KLHL42: variants seen among roughly 807,000 people sequenced by gnomAD.
KLHL42 encodes the protein kelch-like protein 42.
In KLHL42, 27 loss-of-function variants were observed where a neutral mutation model predicts 32.7. The ratio of observed to expected loss-of-function variants is 0.83; its 90% CI spans 0.61 to 1.14. The LOEUF (loss-of-function observed/expected upper bound fraction) is 1.14. Among genes scored for constraint, KLHL42 ranks in the 50% most tolerant of loss-of-function variants. KLHL42 has a pLI of 0.00. For missense variants in KLHL42, 491 were observed against 560.8 expected (o/e 0.88, Z 1.26); for synonymous variants, 267 against 248.2 (o/e 1.08, Z -0.71).
intron 2 of KLHL42, chr12:27,792,106 C>A: frequency 2.5e-6 from 1 of 398,230 alleles, no homozygotes; most frequent in Admixed American, 4.1e-5. Context: ...TTTGTGTGAG[C>A]ATGAAAATCG....
Position 27,800,364 on chromosome 12 carries a change from G to GTGTGTC in KLHL42, c.*2203_*2204insCTGTGT. The GTGTGTC allele has an allele frequency of 1.0e-6, 1 of 984,700 alleles. No individual in the cohort carries two copies. The highest frequency in any genetic ancestry group is 4.7e-5 in the South Asian group (1 of 21,266). 61.0% of individuals were successfully genotyped at this position (984,700 alleles called of 1,614,324 possible). A position where few individuals can be genotyped will look rare whatever the true frequency, so the allele number is the denominator to read the frequency against. ...TGTGTGTGTGGGGGTGTGTGTGTGT[G>GTGTGTC]TGTGTGTGTATGTTTGCATATTATA... On this transcript the variant is annotated 3_prime_UTR_variant, in exon 3 of 3. Coordinates refer to ENST00000381271, the MANE Select transcript of KLHL42 (RefSeq NM_020782.2).
chr12:27,790,498 C>G (rs542766180), intron 1 of KLHL42, among the ~76,000 whole-genome samples: 1 of 152,266 alleles, frequency 6.6e-6, no homozygotes, highest in South Asian at 2.1e-4. Flanking sequence ...CCCAACACTC[C>G]CAAGAGTTTA....
At chr12:27,795,431 G>T (rs963360883) in intron 2 of KLHL42, among the ~76,000 whole-genome samples, 3 of 152,170 alleles carry the variant, frequency 2.0e-5, no homozygotes, top group African/African-American at 7.2e-5. Flanking sequence ...TGGATTCCCT[G>T]AGCCAAATAC....
Position 27,798,189 on chromosome 12 carries a change from A to G in KLHL42, c.*23A>G, listed in dbSNP as rs751568983. On this transcript the variant is annotated 3_prime_UTR_variant, in exon 3 of 3. Transcript: ENST00000381271. The stretch of plus-strand genomic sequence containing the variant: ...TGACTGAATTGAATTGGTAGATGAA[A>G]AAAACCTGGTTCAAGTTTTTTTTAA... The G allele has an allele frequency of 1.9e-5, 14 of 755,980 alleles. No homozygotes were observed. The East Asian group carries it at 3.2e-4, about 17-fold the overall frequency. The allele number at this position is 755,980 out of a possible 1,614,324, so 46.8% of individuals were successfully genotyped here.
Position 27,797,829 on chromosome 12 carries a change from A to G in KLHL42, c.1181A>G (p.Tyr394Cys), listed in dbSNP as rs765755373. 1 of 778,658 alleles carries G rather than the reference A, an allele frequency of 1.3e-6. No homozygotes were observed. Among genetic ancestry groups the G allele is most frequent in the African/African-American group, 1.7e-5 (1 of 59,064 alleles). 48.2% of individuals were successfully genotyped at this position (778,658 alleles called of 1,614,324 possible). A position where few individuals can be genotyped will look rare whatever the true frequency, so the allele number is the denominator to read the frequency against. Residue 394 changes from tyrosine (Y) to cysteine (C), a missense_variant, in exon 3 of 3, where the codon TAC (tyrosine) becomes TGC (cysteine). By Grantham distance (194) the Tyr-to-Cys change is radical. Transcript: ENST00000381271. Reference protein sequence around the residue: ...QQMVSVEETIYIVGGCLHELG... With the variant: ...QQMVSVEETICIVGGCLHELG... The stretch of plus-strand genomic sequence containing the variant: ...ATGGTGTCTGTGGAAGAGACCATCT[A>G]CATCGTGGGGGGGTGTCTCCACGAG...
At position 27,800,186 on chromosome 12, in the gene KLHL42, A is replaced by G. The variant is rs1446376400; in HGVS notation, c.*2020A>G. ...AGATTAGTTTGCAAATAAGCATATC[A>G]TATCAAATACAATATTCCAGCCAAC... On this transcript the variant is annotated 3_prime_UTR_variant, in exon 3 of 3. Coordinates refer to ENST00000381271, the MANE Select transcript of KLHL42 (RefSeq NM_020782.2). 6.2e-5 allele frequency: 61 copies of G among 985,344 alleles called. No individual in the cohort carries two copies. The highest frequency in any genetic ancestry group is 7.2e-5 in the Non-Finnish European group (60 of 829,948). 61.0% of individuals were successfully genotyped at this position (985,344 alleles called of 1,614,324 possible).
intron 2 of KLHL42, among the ~76,000 whole-genome samples, chr12:27,795,421 T>C: frequency 6.6e-6 from 1 of 152,174 alleles, no homozygotes; most frequent in Non-Finnish European, 1.5e-5. Context: ...ATTTCTGTCC[T>C]GGATTCCCTG....
intron 2 of KLHL42, among the ~76,000 whole-genome samples, chr12:27,794,414 T>G (rs1457696766): frequency 6.6e-6 from 1 of 152,200 alleles, no homozygotes; most frequent in African/African-American, 2.4e-5. Context: ...GTTGCCACTG[T>G]TGGATTTAGG....
At chr12:27,788,388 G>A (rs557887660) in intron 1 of KLHL42, among the ~76,000 whole-genome samples, 31 of 152,302 alleles carry the variant, frequency 2.0e-4, no homozygotes, top group African/African-American at 7.2e-4. Flanking sequence ...CTGAGGCTCA[G>A]TGAGTTTAAT....
At position 27,780,478 on chromosome 12, in the gene KLHL42, G is replaced by A; in HGVS notation, c.148G>A (p.Glu50Lys). 1 of 1,545,410 alleles carries A rather than the reference G, an allele frequency of 6.5e-7. No homozygotes were observed. Among genetic ancestry groups the A allele is most frequent in the Non-Finnish European group, 8.7e-7 (1 of 1,146,414 alleles). ...CCTGAGCCAGGAGGCCGGCGGCCCG[G>A]AGGTGCAGCAGCTGCGCGGCCTCAG... ...EALSQEAGGP[E>K]VQQLRGLSAP... is the part of the protein sequence containing the mutation. Residue 50 changes from glutamate to lysine, a missense_variant, in exon 1 of 3, where the codon GAG (glutamate) becomes AAG (lysine). Physicochemically the swap from Glu to Lys is moderately conservative, Grantham distance 56. Coordinates refer to ENST00000381271, the MANE Select transcript of KLHL42 (RefSeq NM_020782.2). The surrounding 1 kb of genome is among the most constrained non-coding windows in gnomAD (Gnocchi z 8.8).
chr12:27,789,323 CTGAGA>C (rs2062186323), intron 1 of KLHL42, among the ~76,000 whole-genome samples: 2 of 152,224 alleles, frequency 1.3e-5, no homozygotes, highest in Admixed American at 1.3e-4. Context: ...TGTGTGATGT[CTGAGA>C]CTTCCCTGTG....
At chr12:27,784,128 T>TG (rs1444549870) in intron 1 of KLHL42, among the ~76,000 whole-genome samples, 1 of 148,730 alleles carries the variant, frequency 6.7e-6, no homozygotes, top group African/African-American at 2.5e-5. Context: ...GTGTTTTTTT[T>TG]TTTTGTTTTT....
chr12:27,790,577 TAA>T (rs1037305118), intron 1 of KLHL42, among the ~76,000 whole-genome samples: 1 of 152,228 alleles, frequency 6.6e-6, no homozygotes, highest in Non-Finnish European at 1.5e-5. Flanking sequence ...TCAAAAATCA[TAA>T]GACTTATTTA....
intron 2 of KLHL42, among the ~76,000 whole-genome samples, chr12:27,793,451 G>T (rs1305066309): frequency 6.6e-6 from 1 of 152,018 alleles, no homozygotes; most frequent in Non-Finnish European, 1.5e-5. Context: ...GCTGAGACAG[G>T]AGGATTGCTT....
Position 27,800,086 on chromosome 12 carries a change from GCTTAA to G in KLHL42, c.*1924_*1928del, listed in dbSNP as rs1240441439. 1.0e-6 allele frequency: 1 copy of G among 983,316 alleles called. No individual in the cohort carries two copies. The highest frequency in any genetic ancestry group is 1.7e-5 in the African/African-American group (1 of 57,172). The allele number at this position is 983,316 out of a possible 1,614,324, so 60.9% of individuals were successfully genotyped here. On this transcript the variant is annotated 3_prime_UTR_variant, in exon 3 of 3. Coordinates refer to ENST00000381271, the MANE Select transcript of KLHL42 (RefSeq NM_020782.2). The stretch of plus-strand genomic sequence containing the variant: ...GGTGTTAACTTTTCGTTGCTGAAGA[GCTTAA>G]CTTTTTAAAGGCTTTGTCCTATACA...
intron 2 of KLHL42, 147 bp downstream of exon 2, chr12:27,792,048 A>C (rs1591815931): frequency 3.2e-6 from 2 of 628,916 alleles, no homozygotes; most frequent in East Asian, 5.6e-5. Context: ...GAAGGAAGAG[A>C]GTTCCATATG....
intron 1 of KLHL42, among the ~76,000 whole-genome samples, chr12:27,782,765 T>TA (rs36051142): frequency 1.7e-3 from 245 of 140,670 alleles, no homozygotes; most frequent in East Asian, 4.3e-3. Flanking sequence ...TTCATCCCCT[T>TA]AAAAAAAAAA....
chr12:27,797,684 C>T (rs1230024734), intron 2 of KLHL42, 31 bp from the exon 3 acceptor site: 3 of 674,310 alleles, frequency 4.4e-6, no homozygotes, highest in East Asian at 2.5e-5. Context: ...TTAGTGGAGG[C>T]GGTGTCATCA....
Position 27,797,776 on chromosome 12 carries a change from A to G in KLHL42, c.1128A>G (p.Thr376=). ...PSSDMWTLFE[T]CDVHIRKQQM... ...CCGACATGTGGACGCTCTTTGAAAC[A>G]TGTGACGTCCACATTCGCAAGCAGC... is the stretch of plus-strand genomic sequence containing the variant. Residue 376 remains threonine (T), a synonymous_variant, in exon 3 of 3, where the codon ACA becomes ACG. Transcript: ENST00000381271. 3 of 748,130 alleles carry G rather than the reference A, an allele frequency of 4.0e-6. No individual in the cohort carries two copies. The highest frequency in any genetic ancestry group is 5.0e-6 in the Non-Finnish European group (2 of 399,218). The allele number at this position is 748,130 out of a possible 1,614,324, so 46.3% of individuals were successfully genotyped here. A position where few individuals can be genotyped will look rare whatever the true frequency, so the allele number is the denominator to read the frequency against.
Sources: allele counts gnomAD v4.1 joint callset (sites outside exome capture counted in the v4.1 genomes callset), GRCh38; gene constraint gnomAD v4.1.1; non-coding constraint Gnocchi (gnomAD v3.1); transcripts MANE v1.5; gene names NCBI Gene and HGNC (gene_info 2026-07-23, HGNC 2026-07-21).